Variants in ZBTB41 observed in about 807,000 individuals in gnomAD.
ZBTB41 encodes the protein zinc finger and BTB domain containing 41.
A neutral mutation model predicts 87.6 loss-of-function variants in ZBTB41; 42 were observed. That is an observed-to-expected ratio of 0.48 (90% CI 0.37 to 0.62). The LOEUF (loss-of-function observed/expected upper bound fraction) is 0.62. Ranked by LOEUF, ZBTB41 falls within the 20% of genes least tolerant of loss-of-function variation. The pLI is 0.00. For missense variants in ZBTB41, 799 were observed against 1,078.9 expected, an observed-to-expected ratio of 0.74 and a Z score of 3.63; for synonymous variants, 364 against 364.0, an observed-to-expected ratio of 1.00 and a Z score of 0.00.
intron 5 of ZBTB41, among the ~76,000 whole-genome samples, chr1:197,187,738 T>A (rs1212368058): frequency 1.3e-5 from 2 of 152,124 alleles, no homozygotes; most frequent in Non-Finnish European, 2.9e-5. Context: ...CAGTGTATGA[T>A]TCCAACCATA....
At chr1:197,185,446 C>T (rs115721762) in intron 5 of ZBTB41, among the ~76,000 whole-genome samples, 2,101 of 152,160 alleles carry the variant, frequency 0.014, 43 homozygotes, top group African/African-American at 0.048. Flanking sequence ...AATACTATAG[C>T]GCATTCCAAA....
At chr1:197,195,770 T>C (rs1660148221) in intron 2 of ZBTB41, among the ~76,000 whole-genome samples, 1 of 152,142 alleles carries the variant, frequency 6.6e-6, no homozygotes, top group Non-Finnish European at 1.5e-5. Context: ...AGGTTTTTGG[T>C]ATAAGGGGAA....
At chr1:197,197,830 A>C (rs1303845330) in intron 2 of ZBTB41, among the ~76,000 whole-genome samples, 1 of 152,238 alleles carries the variant, frequency 6.6e-6, no homozygotes, top group Admixed American at 6.5e-5. Flanking sequence ...CGTAGTTCCC[A>C]ATCTTACTTG....
chr1:197,172,850 C>G (rs1336360065), intron 9 of ZBTB41, among the ~76,000 whole-genome samples: 1 of 152,004 alleles, frequency 6.6e-6, no homozygotes, highest in Non-Finnish European at 1.5e-5. Context: ...TTGCTCTCAT[C>G]AGTTCATGTC....
intron 10 of ZBTB41, among the ~76,000 whole-genome samples, chr1:197,165,069 C>T (rs1279269680): frequency 1.3e-5 from 2 of 148,524 alleles, no homozygotes; most frequent in Non-Finnish European, 3.0e-5. Context: ...GAGATTTTCA[C>T]ATAAATATCT....
chr1:197,194,618 GAA>G (rs71131750), intron 2 of ZBTB41, among the ~76,000 whole-genome samples: 2 of 135,834 alleles, frequency 1.5e-5, no homozygotes, highest in African/African-American at 5.5e-5. Flanking sequence ...ATTTAAGCAA[GAA>G]AAAAAAAAAA....
At position 197,188,288 on chromosome 1, in the gene ZBTB41, T is replaced by G. The variant is rs772310182; in HGVS notation, c.1546+4A>C. The G allele has an allele frequency of 6.2e-7, 1 of 1,612,596 alleles. No homozygotes were observed. On this transcript the variant is annotated splice_donor_region_variant and intron_variant, in intron 5 of 10. Coordinates refer to ENST00000367405, the MANE Select transcript of ZBTB41 (RefSeq NM_194314.3). ...ACTGCCTTAAGAAAAAGTAACTTGC[T>G]TACCCAGATGGAACTTTTCTTGATG...
At chr1:197,178,278 T>C (rs1659660202) in intron 7 of ZBTB41, 139 bp downstream of exon 7, 1 of 457,116 alleles carries the variant, frequency 2.2e-6, no homozygotes, top group South Asian at 5.9e-5. Context: ...AAAAAATCTA[T>C]GCAGTAAAGT....
At position 197,191,719 on chromosome 1, in the gene ZBTB41, T is replaced by G; in HGVS notation, c.1301A>C (p.Lys434Thr). The stretch of plus-strand genomic sequence containing the variant: ...CTTAACATGCTTGGCTAAAGTCTTC[T>G]TGCTTGCATGAAGTTTATTACAATA... Reference protein sequence around the residue: ...CPYCNKLHASKKTLAKHVKRF... With the variant: ...CPYCNKLHASTKTLAKHVKRF... The change falls in exon 3 of 11, where the codon AAG becomes ACG. Residue 434 changes from lysine to threonine, a missense_variant. This residue lies in a region of ZBTB41 where 294 missense variants were observed against 340.1 expected (regional missense o/e 0.86). Transcript: ENST00000367405. The G allele has an allele frequency of 6.2e-7, 1 of 1,613,336 alleles. No individual in the cohort carries two copies. The highest frequency in any genetic ancestry group is 8.5e-7 in the Non-Finnish European group (1 of 1,179,672).
chr1:197,176,660 G>A lies in ZBTB41; in HGVS notation c.1783C>T (p.Arg595Ter), dbSNP rs1479836969. 6.2e-7 allele frequency: 1 copy of A among 1,607,886 alleles called. No individual in the cohort carries two copies. ...RHGSSYRLHL[R>*]VHHDDKRYEC... Reference sequence around the variant, plus strand: ...TATCTTTTATCATCATGATGTACTCGTAAGTGAAGTCTATAAAGAAAAAAG... The same window carrying A: ...TATCTTTTATCATCATGATGTACTCATAAGTGAAGTCTATAAAGAAAAAAG... The change falls in exon 8 of 11, where the codon CGA (arginine) becomes TGA (stop). Residue 595 changes from arginine to a stop codon, truncating the protein, a stop_gained. Transcript: ENST00000367405. LOFTEE classifies it high-confidence loss of function.
intron 2 of ZBTB41, 54 bp from the exon 3 acceptor site, chr1:197,191,953 T>G (rs115770032): frequency 7.0e-7 from 1 of 1,424,698 alleles, no homozygotes; most frequent in Non-Finnish European, 9.4e-7. Flanking sequence ...ATACTGTGAT[T>G]GGAATTTGAG....
intron 10 of ZBTB41, among the ~76,000 whole-genome samples, chr1:197,171,474 C>T (rs537414875): frequency 1.3e-5 from 2 of 152,060 alleles, no homozygotes; most frequent in South Asian, 2.1e-4. Context: ...GCCATAAATA[C>T]ATAAATGGGC....
In ZBTB41 at chr1:197,159,946, G is replaced by A; in HGVS notation, c.2143C>T (p.Leu715=). ...FRIKKTLTKH[L]VIHSDARPFN... is the part of the protein sequence containing the mutation. The stretch of plus-strand genomic sequence containing the variant: ...GGTCGGGCATCAGAATGAATAACCA[G>A]GTGTTTTGTTAATGTTTTCTTAATT... Residue 715 remains leucine (L), a synonymous_variant, in exon 11 of 11, where the codon CTG becomes TTG. Coordinates refer to ENST00000367405, the MANE Select transcript of ZBTB41 (RefSeq NM_194314.3). 6.2e-7 allele frequency: 1 copy of A among 1,613,658 alleles called. No individual in the cohort carries two copies. The highest frequency in any genetic ancestry group is 8.5e-7 in the Non-Finnish European group (1 of 1,179,752).
chr1:197,159,698 C>A lies in ZBTB41; in HGVS notation c.2391G>T (p.Thr797=), dbSNP rs376633171. 3.2e-5 allele frequency: 52 copies of A among 1,613,838 alleles called. No homozygotes were observed. The highest frequency in any genetic ancestry group is 3.6e-5 in the Non-Finnish European group (43 of 1,179,916). ...QPKVYQSEAK[T]MLQNVSAEVC... ...CTTCAGCAGATACATTCTGTAACATCGTCTTGGCTTCCGACTGATAAACTT... is the reference window on the plus strand; with the variant it reads ...CTTCAGCAGATACATTCTGTAACATAGTCTTGGCTTCCGACTGATAAACTT... The change falls in exon 11 of 11, where the codon ACG becomes ACT. Residue 797 remains threonine, a synonymous_variant. Transcript: ENST00000367405.
intron 10 of ZBTB41, among the ~76,000 whole-genome samples, chr1:197,160,497 C>G (rs1440621127): frequency 6.6e-6 from 1 of 152,070 alleles, no homozygotes; most frequent in African/African-American, 2.4e-5. Flanking sequence ...AACAGCAATT[C>G]TAATTAACAT....
rs1057499816 is a variant in ZBTB41 at position 197,157,328 on chromosome 1, T to C, written c.*2031A>G. ...CCATATACATACATGTATATAAATATATATATACTATCTGCCTTTTTATAA... is the reference window on the plus strand; with the variant it reads ...CCATATACATACATGTATATAAATACATATATACTATCTGCCTTTTTATAA... On this transcript the variant is annotated 3_prime_UTR_variant, in exon 11 of 11. Transcript: ENST00000367405. 1 of 151,802 alleles carries C rather than the reference T, an allele frequency of 6.6e-6. No individual in the cohort carries two copies. The highest frequency in any genetic ancestry group is 1.5e-5 in the Non-Finnish European group (1 of 67,684). The allele number at this position is 151,802 out of a possible 1,614,324, so 9.4% of individuals were successfully genotyped here.
intron 2 of ZBTB41, among the ~76,000 whole-genome samples, chr1:197,195,420 C>T (rs1660139432): frequency 6.6e-6 from 1 of 152,084 alleles, no homozygotes; most frequent in Admixed American, 6.5e-5. Context: ...GAAATATCAC[C>T]AGATGAGTTC....
intron 2 of ZBTB41, among the ~76,000 whole-genome samples, chr1:197,194,631 A>G (rs1026534011): frequency 3.3e-5 from 5 of 151,090 alleles, no homozygotes; most frequent in Non-Finnish European, 7.4e-5. Flanking sequence ...AAAAAAAAAA[A>G]AAGAAGAAGA....
chr1:197,180,391 G>A (rs923869403), intron 6 of ZBTB41, among the ~76,000 whole-genome samples: 2 of 152,056 alleles, frequency 1.3e-5, no homozygotes, highest in Admixed American at 6.6e-5. Context: ...ATCATTAAGC[G>A]GCGCATGACT....
Sources: gnomAD v4.1 joint callset for allele counts (sites outside exome capture counted in the v4.1 genomes callset) on GRCh38, gnomAD v4.1.1 for gene constraint, gnomAD v4.1.1 regional missense constraint, MANE v1.5 for transcripts, NCBI Gene and HGNC (gene_info 2026-07-23, HGNC 2026-07-21) for gene names.